The following KCNMA1 variants were observed in gnomAD, a reference collection of about 807,000 sequenced individuals.
KCNMA1 encodes the protein Calcium-activated potassium channel subunit alpha-1.
KCNMA1 carries 29 observed loss-of-function variants against 140.0 expected under a neutral mutation model. The observed-to-expected ratio is 0.21, with a 90% CI of 0.15 to 0.28. The LOEUF is 0.28. Ranked by LOEUF, KCNMA1 falls within the 10% of genes least tolerant of loss-of-function variation. The probability of loss-of-function intolerance (pLI) is 1.00; values close to 1 mark genes in which losing one functional copy is unlikely to be tolerated. For synonymous variants in KCNMA1, 612 were observed against 611.9 expected, an observed-to-expected ratio of 1.00 and a Z score of 0.00; for missense variants, 880 against 1,602.2, an observed-to-expected ratio of 0.55 and a Z score of 7.70.
chr10:77,561,415 T>C (rs972164373), intron 1 of KCNMA1, among the ~76,000 whole-genome samples: 3 of 152,202 alleles, frequency 2.0e-5, no homozygotes, highest in African/African-American at 7.2e-5. Context: ...TTGCGGATTA[T>C]GAATTGAGGT....
At chr10:77,026,901 T>G (rs1335363551) in intron 16 of KCNMA1, among the ~76,000 whole-genome samples, 1 of 152,222 alleles carries the variant, frequency 6.6e-6, no homozygotes, top group Non-Finnish European at 1.5e-5. Context: ...ACGTCTAGTC[T>G]TCCCCTGTAC....
chr10:76,969,827 A>T (rs2075470868), intron 20 of KCNMA1, 147 bp downstream of exon 20: 4 of 678,360 alleles, frequency 5.9e-6, no homozygotes, highest in Non-Finnish European at 1.1e-5. Context: ...TCCAGCCTTT[A>T]AGAAGCCATC....
intron 23 of KCNMA1, among the ~76,000 whole-genome samples, chr10:76,921,716 T>C (rs1404781258): frequency 2.6e-5 from 4 of 152,226 alleles, no homozygotes; most frequent in Non-Finnish European, 5.9e-5. Context: ...AAATTCCATG[T>C]ATAGAAGCAC....
At chr10:77,136,929 G>C (rs1373873654) in intron 5 of KCNMA1, among the ~76,000 whole-genome samples, 3 of 152,178 alleles carry the variant, frequency 2.0e-5, no homozygotes, top group African/African-American at 7.2e-5. Flanking sequence ...TCCAGGTGAG[G>C]AGGACCCCCT....
At chr10:77,073,643 T>G (rs925930473) in intron 13 of KCNMA1, among the ~76,000 whole-genome samples, 8 of 152,206 alleles carry the variant, frequency 5.3e-5, no homozygotes, top group Admixed American at 5.2e-4. Flanking sequence ...TTTACCTGCC[T>G]TTCCAATACT....
chr10:77,293,928 T>A lies in KCNMA1; in HGVS notation c.541-42672A>T, dbSNP rs117720199. On this transcript the variant is annotated intron_variant, in intron 2 of 27. Transcript: ENST00000286628. The stretch of plus-strand genomic sequence containing the variant: ...TACACAGTTTTTCTCTAATGAAGCA[T>A]CAAATCTCTTTCACAAACAATAGCT... Among the ~76,000 whole-genome samples, 4 of 152,334 alleles carry A rather than the reference T, an allele frequency of 2.6e-5. No homozygotes were observed. In the East Asian group the frequency reaches 7.7e-4, roughly 29 times the overall value.
intron 2 of KCNMA1, among the ~76,000 whole-genome samples, chr10:77,400,888 C>T (rs1170084788): frequency 6.6e-6 from 1 of 151,954 alleles, no homozygotes; most frequent in African/African-American, 2.4e-5. Context: ...GCTGGGTGTG[C>T]TGGGCCCAAT....
chr10:77,211,300 G>A (rs761332020), intron 3 of KCNMA1, among the ~76,000 whole-genome samples: 3 of 151,986 alleles, frequency 2.0e-5, no homozygotes, highest in Non-Finnish European at 2.9e-5. Flanking sequence ...AAATAAAGCC[G>A]CACATCTAGA....
At chr10:76,954,747 C>T (rs2067552308) in intron 20 of KCNMA1, among the ~76,000 whole-genome samples, 1 of 152,202 alleles carries the variant, frequency 6.6e-6, no homozygotes, top group South Asian at 2.1e-4. Context: ...AAACTTGTTT[C>T]AAATTCTCAG....
chr10:77,490,110 T>G (rs910181026), intron 1 of KCNMA1, among the ~76,000 whole-genome samples: 3 of 152,206 alleles, frequency 2.0e-5, no homozygotes, highest in Non-Finnish European at 2.9e-5. Context: ...TGCCAATGTC[T>G]CATGGGAGGC....
intron 1 of KCNMA1, among the ~76,000 whole-genome samples, chr10:77,536,985 T>C (rs1304952818): frequency 6.6e-6 from 1 of 152,256 alleles, no homozygotes; most frequent in Non-Finnish European, 1.5e-5. Flanking sequence ...GGACCTTGTA[T>C]GGTGTCTGGG....
chr10:77,412,656 A>AG (rs1044772243), intron 1 of KCNMA1, among the ~76,000 whole-genome samples: 33 of 151,490 alleles, frequency 2.2e-4, no homozygotes, highest in African/African-American at 7.7e-4. Flanking sequence ...GAGGTGCCCC[A>AG]GGGGGGCTGG....
chr10:77,637,215 G>A (rs200640549), intron 1 of KCNMA1, 50 bp downstream of exon 1: 62 of 1,511,612 alleles, frequency 4.1e-5, no homozygotes, highest in Non-Finnish European at 5.0e-5. Flanking sequence ...AGGGGACGCC[G>A]AGAAGCGGTG....
chr10:77,255,695 C>T lies in KCNMA1; in HGVS notation c.541-4439G>A, dbSNP rs550863840. 8.6e-5 allele frequency among the ~76,000 whole-genome samples: 13 copies of T among 151,892 alleles called. No homozygotes were observed. The East Asian group carries it at 1.7e-3, about 20-fold the overall frequency. On this transcript the variant is annotated intron_variant, in intron 2 of 27. Coordinates refer to ENST00000286628, the MANE Select transcript of KCNMA1 (RefSeq NM_001161352.2). ...TTGGGAGGCCGAGGTGGGGGGATCA[C>T]GAGGTCAGGAGTTCGAGACCAGCCT...
chr10:77,509,826 C>T lies in KCNMA1; in HGVS notation c.379-105803G>A, dbSNP rs1281058900. On this transcript the variant is annotated intron_variant, in intron 1 of 27. Coordinates refer to ENST00000286628, the MANE Select transcript of KCNMA1 (RefSeq NM_001161352.2). ...AGGGAATGGCTCACTGGATGTTATC[C>T]ACTTTACTCCTCAATGCTGCTGGGC... is the stretch of plus-strand genomic sequence containing the variant. Among the ~76,000 whole-genome samples, 3 of 152,180 alleles carry T rather than the reference C, an allele frequency of 2.0e-5. No homozygotes were observed. The East Asian group carries it at 5.8e-4, about 30-fold the overall frequency.
At chr10:77,611,306 A>G (rs2086770632) in intron 1 of KCNMA1, among the ~76,000 whole-genome samples, 1 of 152,230 alleles carries the variant, frequency 6.6e-6, no homozygotes, top group Non-Finnish European at 1.5e-5. Context: ...GGTTGAGCAG[A>G]TCAGCATGTG....
intron 1 of KCNMA1, among the ~76,000 whole-genome samples, chr10:77,445,726 C>T (rs942457934): frequency 6.6e-6 from 1 of 152,128 alleles, no homozygotes; most frequent in African/African-American, 2.4e-5. Context: ...GCTCAGGAAA[C>T]TCAATCCCAC....
intron 23 of KCNMA1, among the ~76,000 whole-genome samples, chr10:76,917,764 A>G (rs1202842261): frequency 6.6e-6 from 1 of 152,236 alleles, no homozygotes; most frequent in Non-Finnish European, 1.5e-5. Context: ...AGGCAACAAT[A>G]ACAGCAAAGT....
chr10:77,027,988 A>G, intron 15 of KCNMA1, 97 bp from the exon 16 acceptor site: 1 of 1,078,504 alleles, frequency 9.3e-7, no homozygotes, highest in Non-Finnish European at 1.4e-6. Flanking sequence ...TAATGCAGTC[A>G]TTACCGAGGG....
Sources: gnomAD v4.1 joint callset for allele counts (sites outside exome capture counted in the v4.1 genomes callset) on GRCh38, gnomAD v4.1.1 for gene constraint, MANE v1.5 for transcripts, NCBI Gene and HGNC (gene_info 2026-07-23, HGNC 2026-07-21) for gene names.